Variants in LIFR observed in about 807,000 individuals in gnomAD.
LIFR encodes the protein leukemia inhibitory factor receptor.
Under a neutral mutation model 122.2 loss-of-function variants are expected in LIFR, and 84 were observed. The observed-to-expected ratio is 0.69, with a 90% CI of 0.58 to 0.82. LIFR has a LOEUF of 0.82. LIFR is among the 40% of genes least tolerant of loss of function. LIFR has a pLI of 0.00. For missense variants in LIFR, 1,294 were observed against 1,311.6 expected, an observed-to-expected ratio of 0.99 and a Z score of 0.21; for synonymous variants, 422 against 434.7, an observed-to-expected ratio of 0.97 and a Z score of 0.36.
chr5:38,533,716 G>A (rs2112582568), intron 1 of LIFR, among the ~76,000 whole-genome samples: 1 of 152,244 alleles, frequency 6.6e-6, no homozygotes, highest in South Asian at 2.1e-4. Context: ...GCGGTGGTGG[G>A]GACAGGTAGG....
At chr5:38,505,253 C>T (rs558063288) in intron 9 of LIFR, among the ~76,000 whole-genome samples, 89 of 152,018 alleles carry the variant, frequency 5.9e-4, no homozygotes, top group Middle Eastern at 3.4e-3. Flanking sequence ...AGAATAGATT[C>T]GTTGTTGTCA....
rs71604899 is a variant in LIFR, at chr5:38,504,415, C to CAAA, written c.1292-297_1292-295dup. 7.0e-4 allele frequency among the ~76,000 whole-genome samples: 84 copies of CAAA among 120,450 alleles called. 5 individuals are homozygous for CAAA. Among genetic ancestry groups the CAAA allele is most frequent in the African/African-American group, 2.4e-3 (75 of 31,820 alleles). 79.0% of individuals were successfully genotyped at this position (120,450 alleles called of 152,430 possible). A position where few individuals can be genotyped will look rare whatever the true frequency, so the allele number is the denominator to read the frequency against. ...ACTTCTAATTTACTTAGGGAATGAC[C>CAAA]AAAAAAAAAAAAGAAAAGAAAAAAG... On this transcript the variant is annotated intron_variant, in intron 9 of 19. Coordinates refer to ENST00000453190, the MANE Select transcript of LIFR (RefSeq NM_001127671.2).
At chr5:38,587,656 AT>A (rs1213215735) in intron 1 of LIFR, among the ~76,000 whole-genome samples, 1 of 152,120 alleles carries the variant, frequency 6.6e-6, no homozygotes, top group Non-Finnish European at 1.5e-5. Context: ...AGTGTACGGG[AT>A]GGGGGACAAA....
Position 38,481,947 on chromosome 5 carries a change from T to C in LIFR, c.2942A>G (p.Tyr981Cys), listed in dbSNP as rs760395304. 33 of 1,614,072 alleles carry C rather than the reference T, an allele frequency of 2.0e-5. No homozygotes were observed. Among genetic ancestry groups the C allele is most frequent in the Middle Eastern group, 1.6e-4 (1 of 6,084 alleles). Residue 981 changes from tyrosine to cysteine, a missense_variant, in exon 20 of 20, where the codon TAT (tyrosine) becomes TGT (cysteine). Coordinates refer to ENST00000453190, the MANE Select transcript of LIFR (RefSeq NM_001127671.2). ...TTCTTCTGGTTTTGCTTGAGGCTGA[T>C]ACATCGACTGAACATCAATGTAAAT... ...QVIYIDVQSM[Y>C]QPQAKPEEEQ...
rs149689657 is a variant in LIFR, at chr5:38,522,626, T to C, written c.561+793A>G. On this transcript the variant is annotated intron_variant, in intron 5 of 19. Transcript: ENST00000453190. ...AGGTTTGTATGTGGCCTAGAAGCAA[T>C]AGGCTATTGTCCCATATAGGCTAGG... 6.2e-4 allele frequency among the ~76,000 whole-genome samples: 95 copies of C among 152,346 alleles called. 2 individuals carry two copies. In the South Asian group the frequency reaches 0.01, roughly 16 times the overall value.
chr5:38,574,991 T>G (rs1580215251), intron 1 of LIFR, among the ~76,000 whole-genome samples: 1 of 152,198 alleles, frequency 6.6e-6, no homozygotes, highest in Non-Finnish European at 1.5e-5. Context: ...CCAAAAGGCA[T>G]GCACTGAAAT....
At chr5:38,605,151 A>G (rs955510721) in intron 2 of LIFR, among the ~76,000 whole-genome samples, 4 of 152,062 alleles carry the variant, frequency 2.6e-5, no homozygotes, top group Non-Finnish European at 5.9e-5. Flanking sequence ...GGGTACAATG[A>G]GGCACGTCTG....
Position 38,502,815 on chromosome 5 carries a change from T to G in LIFR, c.1438-16A>C. On this transcript the variant is annotated splice_polypyrimidine_tract_variant and intron_variant, in intron 10 of 19. Coordinates refer to ENST00000453190, the MANE Select transcript of LIFR (RefSeq NM_001127671.2). ...TGACATTCCGCTATTGGAAAACAAA[T>G]AAATATATATATATGTATATATTAT... 3 of 1,343,962 alleles carry G rather than the reference T, an allele frequency of 2.2e-6. No homozygotes were observed. The highest frequency in any genetic ancestry group is 3.1e-6 in the Non-Finnish European group (3 of 962,326). 83.3% of individuals were successfully genotyped at this position (1,343,962 alleles called of 1,614,324 possible). A position where few individuals can be genotyped will look rare whatever the true frequency, so the allele number is the denominator to read the frequency against.
upstream of LIFR, among the ~76,000 whole-genome samples, chr5:38,598,232 T>A (rs1419156113): frequency 1.6e-4 from 12 of 73,778 alleles, no homozygotes; most frequent in Admixed American, 3.7e-4. Context: ...TTTTTTTTTT[T>A]ATTTATTTAT....
At position 38,506,081 on chromosome 5, in the gene LIFR, A is replaced by G. The variant is rs1166907451; in HGVS notation, c.1122-7T>C. On this transcript the variant is annotated splice_region_variant and splice_polypyrimidine_tract_variant and intron_variant, in intron 8 of 19. Coordinates refer to ENST00000453190, the MANE Select transcript of LIFR (RefSeq NM_001127671.2). Reference sequence around the variant, plus strand: ...AACATATTTTCCTGAAAAACTGTTAATTAACAGAAAAATAATTTCAAAATG... The same window carrying G: ...AACATATTTTCCTGAAAAACTGTTAGTTAACAGAAAAATAATTTCAAAATG... The G allele has an allele frequency of 1.9e-6, 3 of 1,566,240 alleles. No homozygotes were observed. Among genetic ancestry groups the G allele is most frequent in the Non-Finnish European group, 2.6e-6 (3 of 1,142,848 alleles).
At chr5:38,497,344 G>A (rs1744936781) in intron 12 of LIFR, among the ~76,000 whole-genome samples, 1 of 152,126 alleles carries the variant, frequency 6.6e-6, no homozygotes, top group Admixed American at 6.5e-5. Context: ...AAAATCCACT[G>A]GGAGCAGGGT....
rs1188791193 is a variant in LIFR, at chr5:38,592,722, GA to G, written c.-20+2538del. On this transcript the variant is annotated intron_variant, in intron 1 of 19. Transcript: ENST00000263409. The stretch of plus-strand genomic sequence containing the variant: ...TGTGCACATTTTTTCTATTTTTTTA[GA>G]AAAAACTAATAGTTTAATTAAATTA... 4.0e-5 allele frequency among the ~76,000 whole-genome samples: 6 copies of G among 149,894 alleles called. No homozygotes were observed. In the South Asian group the frequency reaches 1.3e-3, roughly 32 times the overall value.
In LIFR at chr5:38,503,992, T is replaced by C. The variant is rs533340021; in HGVS notation, c.1421A>G (p.Asn474Ser). 23 of 1,576,066 alleles carry C rather than the reference T, an allele frequency of 1.5e-5. No individual in the cohort carries two copies. Among genetic ancestry groups the C allele is most frequent in the Non-Finnish European group, 1.9e-5 (22 of 1,145,926 alleles). ...FLCEIEIKKS[N>S]SVQEQRNVTI... ...GAATCTTACCTGCTCTTGTACTGAA[T>C]TAGATTTCTTAATTTCAATTTCACA... The change falls in exon 10 of 20, where the codon AAT becomes AGT. Residue 474 changes from asparagine (N) to serine (S), a missense_variant. Asn to Ser is a conservative substitution (Grantham distance 46). Coordinates refer to ENST00000453190, the MANE Select transcript of LIFR (RefSeq NM_001127671.2).
At chr5:38,535,369 C>T (rs80351755) in intron 1 of LIFR, among the ~76,000 whole-genome samples, 46 of 152,308 alleles carry the variant, frequency 3.0e-4, no homozygotes, top group Non-Finnish European at 3.8e-4. Flanking sequence ...GCTGCTTCCA[C>T]AACACTTTAA....
chr5:38,504,063 T>A lies in LIFR; in HGVS notation c.1350A>T (p.Lys450Asn). Residue 450 changes from lysine to asparagine, a missense_variant, in exon 10 of 20, where the codon AAA becomes AAT. By Grantham distance (94) the Lys-to-Asn change is moderately conservative (BLOSUM62 0). Coordinates refer to ENST00000453190, the MANE Select transcript of LIFR (RefSeq NM_001127671.2). The part of the protein sequence containing the change: ...KVKDINSTAV[K>N]LSWHLPGNFA... ...AGTTGCCTGGTAAATGCCAAGAAAG[T>A]TTAACAGCTGTTGAATTAATATCCT... 1 of 1,590,004 alleles carries A rather than the reference T, an allele frequency of 6.3e-7. No homozygotes were observed. The highest frequency in any genetic ancestry group is 8.6e-7 in the Non-Finnish European group (1 of 1,158,322).
intron 1 of LIFR, among the ~76,000 whole-genome samples, chr5:38,544,655 A>T (rs1343330292): frequency 6.6e-6 from 1 of 152,180 alleles, no homozygotes; most frequent in Non-Finnish European, 1.5e-5. Context: ...CAGCGTACAC[A>T]TCAATACCTA....
intron 5 of LIFR, among the ~76,000 whole-genome samples, chr5:38,518,176 CAGGTTCGAGT>C (rs1259009183): frequency 6.6e-6 from 1 of 151,736 alleles, no homozygotes; most frequent in Non-Finnish European, 1.5e-5. Context: ...TCTTGAAATG[CAGGTTCGAGT>C]AGGATACGTG....
intron 16 of LIFR, among the ~76,000 whole-genome samples, chr5:38,486,550 T>A (rs927948888): frequency 2.6e-5 from 4 of 152,202 alleles, no homozygotes; most frequent in African/African-American, 9.7e-5. Flanking sequence ...TTTAAAAATT[T>A]AACCAGAATA....
At position 38,543,137 on chromosome 5, in the gene LIFR, G is replaced by T. The variant is rs374834875; in HGVS notation, c.-19-12471C>A. Among the ~76,000 whole-genome samples, 22 of 151,968 alleles carry T rather than the reference G, an allele frequency of 1.4e-4. 1 individual carries two copies. In the East Asian group the frequency reaches 1.9e-3, roughly 13 times the overall value. On this transcript the variant is annotated intron_variant, in intron 1 of 19. Transcript: ENST00000453190. ...AATAGGCAATAAACATGAAAATGAC[G>T]TGAAACCATATTTCTACTGATTGGA...
Sources: allele counts gnomAD v4.1 joint callset (sites outside exome capture counted in the v4.1 genomes callset), GRCh38; gene constraint gnomAD v4.1.1; transcripts MANE v1.5; gene names NCBI Gene and HGNC (gene_info 2026-07-23, HGNC 2026-07-21).